Variants in HIVEP3 observed in about 807,000 individuals in gnomAD.
HIVEP3 encodes the protein HIVEP zinc finger 3.
HIVEP3 carries 49 observed loss-of-function variants against 152.8 expected under a neutral mutation model. That is an observed-to-expected ratio of 0.32 (90% CI 0.26 to 0.41). HIVEP3 has a LOEUF of 0.41. HIVEP3 is among the 10% of genes least tolerant of loss of function. The probability of loss-of-function intolerance (pLI) is 1.00; values close to 1 mark genes in which losing one functional copy is unlikely to be tolerated. For synonymous variants in HIVEP3, 1,269 were observed against 1,289.0 expected (o/e 0.98, Z 0.33); for missense variants, 2,790 against 3,103.3 (o/e 0.90, Z 2.40).
At chr1:41,899,720 T>G (rs776183150) in intron 1 of HIVEP3, among the ~76,000 whole-genome samples, 2 of 152,214 alleles carry the variant, frequency 1.3e-5, no homozygotes, top group Non-Finnish European at 2.9e-5. Flanking sequence ...AATCACCTAA[T>G]GAGCACGCTC....
At chr1:41,913,469 C>A (rs1441236042) in intron 1 of HIVEP3, among the ~76,000 whole-genome samples, 1 of 152,138 alleles carries the variant, frequency 6.6e-6, no homozygotes, top group Non-Finnish European at 1.5e-5. Flanking sequence ...TGATCATAGC[C>A]CATGGCAGGC....
intron 1 of HIVEP3, among the ~76,000 whole-genome samples, chr1:42,014,322 A>G (rs1310388262): frequency 6.6e-6 from 1 of 152,114 alleles, no homozygotes. Flanking sequence ...AAAGGCAAGC[A>G]GGGTGAGAGT....
intron 1 of HIVEP3, among the ~76,000 whole-genome samples, chr1:41,818,071 C>T (rs1642465313): frequency 6.6e-6 from 1 of 152,176 alleles, no homozygotes; most frequent in East Asian, 1.9e-4. Flanking sequence ...GATGTCTAAA[C>T]ACAACATACC....
intron 2 of HIVEP3, among the ~76,000 whole-genome samples, chr1:41,641,455 C>G (rs1436861213): frequency 6.6e-6 from 1 of 152,254 alleles, no homozygotes; most frequent in African/African-American, 2.4e-5. Context: ...ATCTTCCACC[C>G]CATCCCCACC....
chr1:41,989,243 A>G (rs1275963387), intron 1 of HIVEP3, among the ~76,000 whole-genome samples: 1 of 152,218 alleles, frequency 6.6e-6, no homozygotes, highest in Non-Finnish European at 1.5e-5. Flanking sequence ...AATGATAATT[A>G]TATGTGTTAA....
At chr1:41,614,873 A>G (rs1048577596) in intron 3 of HIVEP3, among the ~76,000 whole-genome samples, 1 of 152,222 alleles carries the variant, frequency 6.6e-6, no homozygotes, top group African/African-American at 2.4e-5. Flanking sequence ...TCTTCTTGGC[A>G]CTAAGATCTG....
At chr1:41,895,500 G>A (rs1339616169) in intron 1 of HIVEP3, among the ~76,000 whole-genome samples, 1 of 152,174 alleles carries the variant, frequency 6.6e-6, no homozygotes, top group Non-Finnish European at 1.5e-5. Flanking sequence ...CCAGACTGTT[G>A]GCAACCCAGT....
In HIVEP3 at chr1:41,653,788, C is replaced by T. The variant is rs532004278; in HGVS notation, c.-720-24841G>A. On this transcript the variant is annotated intron_variant, in intron 2 of 8. Coordinates refer to ENST00000372583, the MANE Select transcript of HIVEP3 (RefSeq NM_024503.5). The stretch of plus-strand genomic sequence containing the variant: ...TTGAAGGGTGGGTCTGGATCAATCC[C>T]TTGCTCAGTGGCTTTCAGCCCAAGG... 4.4e-3 allele frequency among the ~76,000 whole-genome samples: 662 copies of T among 152,180 alleles called. 3 individuals are homozygous for T. Among genetic ancestry groups the T allele is most frequent in the Middle Eastern group, 0.01 (3 of 292 alleles).
intron 2 of HIVEP3, among the ~76,000 whole-genome samples, chr1:41,663,915 C>T (rs1270440324): frequency 6.6e-6 from 1 of 152,182 alleles, no homozygotes; most frequent in Non-Finnish European, 1.5e-5. Flanking sequence ...CTCCTTCTGA[C>T]AAAGCCCCAA....
intron 3 of HIVEP3, among the ~76,000 whole-genome samples, chr1:41,616,702 C>T (rs558081637): frequency 0.049 from 7,409 of 151,288 alleles, 254 homozygotes; most frequent in Non-Finnish European, 0.071. Flanking sequence ...ATCCTCCCGC[C>T]TTAGCATCTT....
intron 1 of HIVEP3, among the ~76,000 whole-genome samples, chr1:41,708,314 A>G (rs1646464449): frequency 6.6e-6 from 1 of 152,134 alleles, no homozygotes; most frequent in Non-Finnish European, 1.5e-5. Context: ...CGTGGTGGGC[A>G]TTTGTTGACT....
chr1:41,906,286 G>A (rs1256310695), intron 1 of HIVEP3, among the ~76,000 whole-genome samples: 1 of 151,232 alleles, frequency 6.6e-6, no homozygotes, highest in Non-Finnish European at 1.5e-5. Flanking sequence ...TCCAGCCTGG[G>A]CAACACAGCA....
intron 3 of HIVEP3, among the ~76,000 whole-genome samples, chr1:41,593,873 C>T (rs1168392994): frequency 6.6e-6 from 1 of 152,192 alleles, no homozygotes; most frequent in Non-Finnish European, 1.5e-5. Context: ...TCTGGGGGCC[C>T]TAGAGGAGAA....
At chr1:41,863,405 C>G (rs1031832423) in intron 1 of HIVEP3, among the ~76,000 whole-genome samples, 1 of 152,126 alleles carries the variant, frequency 6.6e-6, no homozygotes. Context: ...CCTGACTAAA[C>G]TAGGAAGACA....
In HIVEP3 at chr1:41,580,201, C is replaced by T; in HGVS notation, c.4597G>A (p.Glu1533Lys). Residue 1533 changes from glutamate (E) to lysine (K), a missense_variant, in exon 4 of 9, where the codon GAA becomes AAA. Physicochemically the swap from Glu to Lys is moderately conservative, Grantham distance 56. Around this residue, in one of 9 missense-constraint regions of HIVEP3, gnomAD observed 1,078 missense variants for 1,165.3 expected, o/e 0.93. Coordinates refer to ENST00000372583, the MANE Select transcript of HIVEP3 (RefSeq NM_024503.5). ...GGTTTGCCAGATGGCTGGGGATATTCCTTCAAAGCTTCTGAGCCTGGGGCT... is the reference window on the plus strand; with the variant it reads ...GGTTTGCCAGATGGCTGGGGATATTTCTTCAAAGCTTCTGAGCCTGGGGCT... The part of the protein sequence containing the change: ...GTAPGSEALK[E>K]YPQPSGKPHR... 1 of 1,612,004 alleles carries T rather than the reference C, an allele frequency of 6.2e-7. No individual in the cohort carries two copies. The highest frequency in any genetic ancestry group is 8.5e-7 in the Non-Finnish European group (1 of 1,178,900).
chr1:41,793,297 T>G (rs1210078830), intron 1 of HIVEP3, among the ~76,000 whole-genome samples: 1 of 152,246 alleles, frequency 6.6e-6, no homozygotes, highest in African/African-American at 2.4e-5. Context: ...GCTCTCTATC[T>G]GCAGAGCACT....
intron 6 of HIVEP3, among the ~76,000 whole-genome samples, chr1:41,524,330 A>AAATGC (rs1376694924): frequency 6.6e-6 from 1 of 152,190 alleles, no homozygotes; most frequent in Admixed American, 6.5e-5. Context: ...ATGGATTTCC[A>AAATGC]AATGCAAGAG....
chr1:41,834,052 A>C (rs1329854116), intron 1 of HIVEP3, among the ~76,000 whole-genome samples: 1 of 152,182 alleles, frequency 6.6e-6, no homozygotes, highest in Non-Finnish European at 1.5e-5. Flanking sequence ...GCATGGTCAC[A>C]GAATAAGAAA....
intron 1 of HIVEP3, among the ~76,000 whole-genome samples, chr1:41,897,545 G>A (rs1644549210): frequency 6.6e-6 from 1 of 152,142 alleles, no homozygotes; most frequent in South Asian, 2.1e-4. Context: ...CTTGACCTTG[G>A]ACTGCCCAGC....
Sources: gnomAD v4.1 joint callset for allele counts (sites outside exome capture counted in the v4.1 genomes callset) on GRCh38, gnomAD v4.1.1 for gene constraint, gnomAD v4.1.1 regional missense constraint, MANE v1.5 for transcripts, NCBI Gene and HGNC (gene_info 2026-07-23, HGNC 2026-07-21) for gene names.